Variants in SMPD3 observed in about 807,000 individuals in gnomAD.
The protein encoded by SMPD3 is sphingomyelin phosphodiesterase 3.
Under a neutral mutation model 55.7 loss-of-function variants are expected in SMPD3, and 21 were observed. The observed-to-expected ratio is 0.38, with a 90% CI of 0.27 to 0.54. SMPD3 has a LOEUF of 0.54. Ranked by LOEUF, SMPD3 falls within the 20% of genes least tolerant of loss-of-function variation. The probability of loss-of-function intolerance (pLI) is 0.80; values close to 1 mark genes in which losing one functional copy is unlikely to be tolerated. For missense variants in SMPD3, 842 were observed against 899.6 expected (o/e 0.94, Z 0.82); for synonymous variants, 457 against 404.3 (o/e 1.13, Z -1.56).
At chr16:68,400,451 G>T (rs1264144038) in intron 1 of SMPD3, among the ~76,000 whole-genome samples, 1 of 152,212 alleles carries the variant, frequency 6.6e-6, no homozygotes, top group Non-Finnish European at 1.5e-5. Flanking sequence ...GATATAATCA[G>T]CTCCTAATTC....
At chr16:68,379,255 G>A (rs2089893883) in intron 2 of SMPD3, among the ~76,000 whole-genome samples, 1 of 152,226 alleles carries the variant, frequency 6.6e-6, no homozygotes, top group Non-Finnish European at 1.5e-5. Context: ...AGACCACAGT[G>A]GAGCAGATGC....
intron 1 of SMPD3, among the ~76,000 whole-genome samples, chr16:68,402,761 G>A (rs2090222063): frequency 6.6e-6 from 1 of 152,224 alleles, no homozygotes; most frequent in Admixed American, 6.5e-5. Flanking sequence ...CAAGGTGACG[G>A]CAGGTCAGTG....
chr16:68,371,310 C>G lies in SMPD3; in HGVS notation c.872G>C (p.Ser291Thr). The change falls in exon 3 of 9, where the codon AGC becomes ACC. Residue 291 changes from serine (S) to threonine (T), a missense_variant. Physicochemically the swap from Ser to Thr is moderately conservative, Grantham distance 58. Around this residue, in one of 2 missense-constraint regions of SMPD3, gnomAD observed 649 missense variants for 643.6 expected, o/e 1.01. Coordinates refer to ENST00000219334, the MANE Select transcript of SMPD3 (RefSeq NM_018667.4). ...NHNQQDGDSG[S>T]LGSPSASRES... Reference sequence around the variant, plus strand: ...CCGGGAGGCCGAGGGGCTGCCCAGGCTCCCTGAATCCCCGTCCTGCTGATT... The same window carrying G: ...CCGGGAGGCCGAGGGGCTGCCCAGGGTCCCTGAATCCCCGTCCTGCTGATT... 6.3e-7 allele frequency: 1 copy of G among 1,599,666 alleles called. No individual in the cohort carries two copies. Among genetic ancestry groups the G allele is most frequent in the Non-Finnish European group, 8.5e-7 (1 of 1,178,856 alleles).
intron 2 of SMPD3, among the ~76,000 whole-genome samples, chr16:68,383,108 G>T (rs920511051): frequency 1.3e-5 from 2 of 152,172 alleles, no homozygotes; most frequent in African/African-American, 4.8e-5. Flanking sequence ...CAAAGTGCTG[G>T]GATTACAGGC....
chr16:68,388,366 T>C (rs1433259934), intron 1 of SMPD3, among the ~76,000 whole-genome samples: 1 of 152,182 alleles, frequency 6.6e-6, no homozygotes, highest in East Asian at 1.9e-4. Flanking sequence ...TCACCCACAG[T>C]TGGCTGACAA....
intron 2 of SMPD3, among the ~76,000 whole-genome samples, chr16:68,374,896 G>A (rs1010054902): frequency 6.6e-6 from 1 of 152,220 alleles, no homozygotes; most frequent in Admixed American, 6.5e-5. Flanking sequence ...GGACAATGGG[G>A]GCGGGATGGG....
chr16:68,433,852 C>T (rs961202908), intron 1 of SMPD3, among the ~76,000 whole-genome samples: 1 of 151,494 alleles, frequency 6.6e-6, no homozygotes, highest in Non-Finnish European at 1.5e-5. Flanking sequence ...ATGAGTCTTA[C>T]TCTTTTTTTT....
At chr16:68,441,818 T>C (rs2090568509) in intron 1 of SMPD3, among the ~76,000 whole-genome samples, 2 of 152,138 alleles carry the variant, frequency 1.3e-5, no homozygotes, top group African/African-American at 4.8e-5. Flanking sequence ...CAGGCTAGGG[T>C]GTGGTGGTAC....
At chr16:68,364,315 C>A (rs1204154024) in intron 5 of SMPD3, 1 of 223,904 alleles carries the variant, frequency 4.5e-6, no homozygotes, top group Non-Finnish European at 8.8e-6. Flanking sequence ...TGACCTTGGG[C>A]TGGTTCTCCA....
chr16:68,411,460 T>C (rs1321809123), intron 1 of SMPD3, among the ~76,000 whole-genome samples: 1 of 152,110 alleles, frequency 6.6e-6, no homozygotes, highest in Non-Finnish European at 1.5e-5. Flanking sequence ...GATTCCTGCT[T>C]AGGGCCTCTC....
intron 1 of SMPD3, among the ~76,000 whole-genome samples, chr16:68,424,546 G>A (rs1017270484): frequency 5.3e-5 from 8 of 152,158 alleles, no homozygotes; most frequent in Non-Finnish European, 1.0e-4. Flanking sequence ...TCTGTAAAAT[G>A]GAGGTAATCA....
At chr16:68,409,177 C>T (rs2090276818) in intron 1 of SMPD3, among the ~76,000 whole-genome samples, 2 of 152,258 alleles carry the variant, frequency 1.3e-5, no homozygotes, top group East Asian at 3.9e-4. Context: ...ACTCCGAGCT[C>T]ATTCCTTTGC....
chr16:68,392,137 C>T (rs2090116788), intron 1 of SMPD3, among the ~76,000 whole-genome samples: 1 of 152,206 alleles, frequency 6.6e-6, no homozygotes, highest in Non-Finnish European at 1.5e-5. Context: ...GGTGATCTGC[C>T]CGCCTTGGCC....
At chr16:68,379,813 A>T (rs1365775802) in intron 2 of SMPD3, among the ~76,000 whole-genome samples, 1 of 152,160 alleles carries the variant, frequency 6.6e-6, no homozygotes, top group East Asian at 1.9e-4. Context: ...GCTCTGGGGC[A>T]CTCCTTCAAC....
chr16:68,363,567 G>T lies in SMPD3; in HGVS notation c.1646-8C>A, dbSNP rs201919085. 3.7e-6 allele frequency: 6 copies of T among 1,612,316 alleles called. No individual in the cohort carries two copies. The Admixed American group carries it at 1.0e-4, about 27-fold the overall frequency. On this transcript the variant is annotated splice_polypyrimidine_tract_variant and splice_region_variant and intron_variant, in intron 6 of 8. Transcript: ENST00000219334. ...TCGTGTCCAGCAGAGTACCTGGGGG[G>T]GACGAGGGGGTGACAGTGGTCGCTG...
At chr16:68,365,164 GC>G in intron 3 of SMPD3, 72 bp from the exon 4 acceptor site, 1 of 1,498,600 alleles carries the variant, frequency 6.7e-7, no homozygotes, top group Non-Finnish European at 9.2e-7. Flanking sequence ...CACTGGCAGT[GC>G]CCACCCACCC....
At chr16:68,400,483 A>G (rs947415596) in intron 1 of SMPD3, among the ~76,000 whole-genome samples, 1 of 152,234 alleles carries the variant, frequency 6.6e-6, no homozygotes, top group African/African-American at 2.4e-5. Context: ...TCTAAGTCAC[A>G]TTTATCAAGG....
chr16:68,435,336 T>C (rs887160462), intron 1 of SMPD3, among the ~76,000 whole-genome samples: 11 of 152,242 alleles, frequency 7.2e-5, no homozygotes, highest in African/African-American at 2.2e-4. Context: ...TAAAGACTTG[T>C]AAATGGAATT....
chr16:68,389,978 C>T (rs2152003920), intron 1 of SMPD3, among the ~76,000 whole-genome samples: 1 of 152,306 alleles, frequency 6.6e-6, no homozygotes, highest in East Asian at 1.9e-4. Flanking sequence ...GACAGAGCAG[C>T]CCAGAGGGTG....
Sources: allele counts gnomAD v4.1 joint callset (sites outside exome capture counted in the v4.1 genomes callset), GRCh38; gene constraint gnomAD v4.1.1; regional missense constraint gnomAD v4.1.1; transcripts MANE v1.5; gene names NCBI Gene and HGNC (gene_info 2026-07-23, HGNC 2026-07-21).